The following BEST2 variants were observed in gnomAD, a reference collection of about 807,000 sequenced individuals.
BEST2 encodes bestrophin 2, also known as bestrophin-2a.
In BEST2, 36 loss-of-function variants were observed where a neutral mutation model predicts 49.0. The ratio of observed to expected loss-of-function variants is 0.73; its 90% CI spans 0.56 to 0.97. The LOEUF (loss-of-function observed/expected upper bound fraction) is 0.97. BEST2 is among the 50% of genes least tolerant of loss of function. The pLI is 0.00. For missense variants in BEST2, 672 were observed against 710.0 expected (o/e 0.95, Z 0.61); for synonymous variants, 335 against 304.4 (o/e 1.10, Z -1.05).
rs1218472466 is a variant in BEST2, at chr19:12,757,817, G to T, written c.1270G>T (p.Val424Leu). Reference sequence around the variant, plus strand: ...CTTTCTACTCCGCAAGAACAGCTGCGTGTCGGAGGCGTCTACTGGGGCCAG... The same window carrying T: ...CTTTCTACTCCGCAAGAACAGCTGCTTGTCGGAGGCGTCTACTGGGGCCAG... Reference protein sequence around the residue: ...LSFLLRKNSCVSEASTGASCS... With the variant: ...LSFLLRKNSCLSEASTGASCS... The change falls in exon 10 of 10, where the codon GTG becomes TTG. Residue 424 changes from valine to leucine, a missense_variant. Physicochemically the swap from Val to Leu is conservative, Grantham distance 32. Around this residue, in one of 3 missense-constraint regions of BEST2, gnomAD observed 291 missense variants for 279.8 expected, o/e 1.04. Transcript: ENST00000553030. The T allele has an allele frequency of 1.3e-6, 2 of 1,548,886 alleles. No individual in the cohort carries two copies. Among genetic ancestry groups the T allele is most frequent in the African/African-American group, 1.4e-5 (1 of 73,012 alleles).
In BEST2 at chr19:12,754,615, A is replaced by G. The variant is rs777534813; in HGVS notation, c.311A>G (p.Asp104Gly). 6.4e-7 allele frequency: 1 copy of G among 1,564,472 alleles called. No homozygotes were observed. Among genetic ancestry groups the G allele is most frequent in the Admixed American group, 1.8e-5 (1 of 54,192 alleles). ...CAGTACCTATGCATGCCGCTGCCCG[A>G]CGCGCTCATGTGCGTGGTGGCGGGC... ...WSQYLCMPLP[D>G]ALMCVVAGTV... The change falls in exon 4 of 10, where the codon GAC becomes GGC. Residue 104 changes from aspartate (D) to glycine (G), a missense_variant. Physicochemically the swap from Asp to Gly is moderately conservative, Grantham distance 94. Around this residue, in one of 3 missense-constraint regions of BEST2, gnomAD observed 365 missense variants for 390.9 expected, o/e 0.93. Coordinates refer to ENST00000553030, the MANE Select transcript of BEST2 (RefSeq NM_017682.3).
chr19:12,755,232 T>A lies in BEST2; in HGVS notation c.637-147T>A. The A allele has an allele frequency of 1.9e-6, 2 of 1,039,176 alleles. No individual in the cohort carries two copies. The highest frequency in any genetic ancestry group is 2.9e-6 in the Non-Finnish European group (2 of 701,482). 64.4% of individuals were successfully genotyped at this position (1,039,176 alleles called of 1,614,324 possible). A position where few individuals can be genotyped will look rare whatever the true frequency, so the allele number is the denominator to read the frequency against. On this transcript the variant is annotated intron_variant, in intron 5 of 9. Coordinates refer to ENST00000553030, the MANE Select transcript of BEST2 (RefSeq NM_017682.3). The surrounding 1 kb of genome is among the most constrained non-coding windows in gnomAD (Gnocchi z 4.4). ...CATGGTACCTCATCCAGGTGCACAC[T>A]CACCACCAAATACCCTCCCTGGAAC...
At chr19:12,752,845 A>ACT in intron 2 of BEST2, 101 bp downstream of exon 2, 1 of 891,364 alleles carries the variant, frequency 1.1e-6, no homozygotes, top group African/African-American at 1.8e-5. Flanking sequence ...ATATAAGTAT[A>ACT]TATATCTATG....
In BEST2 at chr19:12,754,696, A is replaced by G. The variant is rs1226130360; in HGVS notation, c.392A>G (p.Tyr131Cys). 1 of 1,585,642 alleles carries G rather than the reference A, an allele frequency of 6.3e-7. No individual in the cohort carries two copies. The highest frequency in any genetic ancestry group is 1.1e-5 in the South Asian group (1 of 87,208). ...CTCTACCGGCGCACACTCATGCGCT[A>G]CGCAGGGCTCTCGGCCGTGCTCATC... is the stretch of plus-strand genomic sequence containing the variant. The part of the protein sequence containing the change: ...GRLYRRTLMR[Y>C]AGLSAVLILR... Residue 131 changes from tyrosine (Y) to cysteine (C), a missense_variant, in exon 4 of 10, where the codon TAC becomes TGC. This residue lies in a region of BEST2 where 365 missense variants were observed against 390.9 expected (regional missense o/e 0.93). Transcript: ENST00000553030.
In BEST2 at chr19:12,755,643, T is replaced by A; in HGVS notation, c.743T>A (p.Phe248Tyr). Residue 248 changes from phenylalanine (F) to tyrosine (Y), a missense_variant, in exon 7 of 10, where the codon TTC becomes TAC. Phe to Tyr is a conservative substitution (Grantham distance 22). Transcript: ENST00000553030. This position sits in a 1 kb window ranked among gnomAD's most constrained non-coding sequence, Gnocchi z 4.4. ...GTGACCATCGCACTGTACAGCTACTTCCTGGCTTGCCTCATTGGTCGCCAG... is the reference window on the plus strand; with the variant it reads ...GTGACCATCGCACTGTACAGCTACTACCTGGCTTGCCTCATTGGTCGCCAG... Reference protein sequence around the residue: ...QVVTIALYSYFLACLIGRQFL... With the variant: ...QVVTIALYSYYLACLIGRQFL... 1 of 1,614,028 alleles carries A rather than the reference T, an allele frequency of 6.2e-7. No homozygotes were observed. The highest frequency in any genetic ancestry group is 8.5e-7 in the Non-Finnish European group (1 of 1,180,014).
rs200942152 is a variant in BEST2, at chr19:12,756,305, T to C, written c.1103+10T>C. 9.9e-6 allele frequency: 16 copies of C among 1,612,084 alleles called. No individual in the cohort carries two copies. The highest frequency in any genetic ancestry group is 2.2e-5 in the South Asian group (2 of 91,084). On this transcript the variant is annotated intron_variant, in intron 9 of 9. Coordinates refer to ENST00000553030, the MANE Select transcript of BEST2 (RefSeq NM_017682.3). ...CCACCTTTGACATCACGTGAGCCAG[T>C]TGGGTGGGCAGGGCCGCCTGGGGCA...
In BEST2 at chr19:12,757,932, C is replaced by T; in HGVS notation, c.1385C>T (p.Ala462Val). The T allele has an allele frequency of 1.3e-6, 2 of 1,575,396 alleles. No homozygotes were observed. The highest frequency in any genetic ancestry group is 1.2e-5 in the South Asian group (1 of 86,626). Residue 462 changes from alanine (A) to valine (V), a missense_variant, in exon 10 of 10, where the codon GCC becomes GTC. Coordinates refer to ENST00000553030, the MANE Select transcript of BEST2 (RefSeq NM_017682.3). ...GACCCCGGCCTGCCGGAGCCCGAGG[C>T]CCCGCCCCCTGCGGGTCCCGAACCG... ...LLDPGLPEPE[A>V]PPPAGPEPLT...
At position 12,758,273 on chromosome 19, in the gene BEST2, AC is replaced by A; in HGVS notation, c.*198del. ...CAGACTCTTGGACCAGCCCGCCCTG[AC>A]CACCAGCTCTACTTCCCAACCCCCA... On this transcript the variant is annotated 3_prime_UTR_variant, in exon 10 of 10. Transcript: ENST00000553030. The A allele has an allele frequency of 3.1e-6, 2 of 638,004 alleles. No individual in the cohort carries two copies. Among genetic ancestry groups the A allele is most frequent in the Non-Finnish European group, 5.2e-6 (2 of 382,642 alleles). The allele number at this position is 638,004 out of a possible 1,614,324, so 39.5% of individuals were successfully genotyped here.
At position 12,757,652 on chromosome 19, in the gene BEST2, C is replaced by A; in HGVS notation, c.1105C>A (p.Leu369Met). The part of the protein sequence containing the change: ...SFQGSTFDIT[L>M]AKEDMQFQRL... ...GCTGGCCCACTGTCGGTCCCGCAGGCTGGCCAAAGAAGACATGCAGTTCCA... is the reference window on the plus strand; with the variant it reads ...GCTGGCCCACTGTCGGTCCCGCAGGATGGCCAAAGAAGACATGCAGTTCCA... The change falls in exon 10 of 10, where the codon CTG becomes ATG. Residue 369 changes from leucine to methionine, a missense_variant and splice_region_variant. Physicochemically the swap from Leu to Met is conservative, Grantham distance 15. This residue lies in a region of BEST2 where 291 missense variants were observed against 279.8 expected (regional missense o/e 1.04). Transcript: ENST00000553030. 3.9e-6 allele frequency: 6 copies of A among 1,535,854 alleles called. No individual in the cohort carries two copies. Among genetic ancestry groups the A allele is most frequent in the Non-Finnish European group, 5.2e-6 (6 of 1,146,712 alleles).
rs1568352114 is a variant in BEST2 at position 12,753,283 on chromosome 19, A to G, written c.176A>G (p.Lys59Arg). ...AYRFVLTEGQ[K>R]RYFEKLVIYC... ...AGCTTTGTGCTGACCGAAGGGCAGA[A>G]GCGCTACTTCGAGAAGCTTGTGATT... is the stretch of plus-strand genomic sequence containing the variant. The change falls in exon 3 of 10, where the codon AAG (lysine) becomes AGG (arginine). Residue 59 changes from lysine (K) to arginine (R), a missense_variant. This residue lies in a region of BEST2 where 365 missense variants were observed against 390.9 expected (regional missense o/e 0.93). Transcript: ENST00000553030. 1.2e-6 allele frequency: 2 copies of G among 1,614,088 alleles called. No homozygotes were observed. The highest frequency in any genetic ancestry group is 1.7e-5 in the Admixed American group (1 of 60,002).
At position 12,757,924 on chromosome 19, in the gene BEST2, G is replaced by A; in HGVS notation, c.1377G>A (p.Glu459=). The A allele has an allele frequency of 6.4e-7, 1 of 1,566,816 alleles. No homozygotes were observed. The highest frequency in any genetic ancestry group is 1.3e-5 in the African/African-American group (1 of 74,336). ...CGCTGCTCGACCCCGGCCTGCCGGAGCCCGAGGCCCCGCCCCCTGCGGGTC... is the reference window on the plus strand; with the variant it reads ...CGCTGCTCGACCCCGGCCTGCCGGAACCCGAGGCCCCGCCCCCTGCGGGTC... ...GDPLLDPGLP[E]PEAPPPAGPE... is the part of the protein sequence containing the mutation. Residue 459 remains glutamate (E), a synonymous_variant, in exon 10 of 10, where the codon GAG becomes GAA. Transcript: ENST00000553030.
chr19:12,755,995 G>T lies in BEST2; in HGVS notation c.948+60G>T. 1.3e-6 allele frequency: 2 copies of T among 1,595,208 alleles called. 1 individual carries two copies. Among genetic ancestry groups the T allele is most frequent in the South Asian group, 2.2e-5 (2 of 90,394 alleles). ...GCGACCATCCCGGAGTGCCCAACAG[G>T]GTTCTGGTCCCACCCCTGCCAAGTC... On this transcript the variant is annotated intron_variant, in intron 8 of 9. Transcript: ENST00000553030. This position sits in a 1 kb window ranked among gnomAD's most constrained non-coding sequence, Gnocchi z 4.4.
At chr19:12,751,960 A>T (rs1257743214) in intron 1 of BEST2, 121 bp downstream of exon 1, 2 of 152,638 alleles carry the variant, frequency 1.3e-5, no homozygotes, top group African/African-American at 4.8e-5. Context: ...CTGGAGGGGA[A>T]CGGAGAGAGG....
chr19:12,752,665 C>A lies in BEST2; in HGVS notation c.73C>A (p.Arg25Ser). 2 of 1,612,794 alleles carry A rather than the reference C, an allele frequency of 1.2e-6. No individual in the cohort carries two copies. Among genetic ancestry groups the A allele is most frequent in the East Asian group, 2.2e-5 (1 of 44,876 alleles). Reference protein sequence around the residue: ...GGFSQLLLLWRGSIYKLLWRE... With the variant: ...GGFSQLLLLWSGSIYKLLWRE... ...CTTCTCCCAGCTGCTGCTACTGTGGCGTGGGAGCATCTACAAACTCCTGTG... is the reference window on the plus strand; with the variant it reads ...CTTCTCCCAGCTGCTGCTACTGTGGAGTGGGAGCATCTACAAACTCCTGTG... Residue 25 changes from arginine (R) to serine (S), a missense_variant, in exon 2 of 10, where the codon CGT becomes AGT. This residue lies in a region of BEST2 where 365 missense variants were observed against 390.9 expected (regional missense o/e 0.93). Coordinates refer to ENST00000553030, the MANE Select transcript of BEST2 (RefSeq NM_017682.3).
Position 12,755,414 on chromosome 19 carries a change from C to T in BEST2, c.672C>T (p.Leu224=), listed in dbSNP as rs112425354. The change falls in exon 6 of 10, where the codon CTC becomes CTT. Residue 224 remains leucine, a synonymous_variant. Transcript: ENST00000553030. The surrounding 1 kb of genome is among the most constrained non-coding windows in gnomAD (Gnocchi z 4.4). ...LNVFRGKCGM[L]FHYDWISVPL... is the part of the protein sequence containing the mutation. ...TTTTTCGGGGCAAATGTGGAATGCT[C>T]TTTCACTATGACTGGATTAGCGTAC... 11,847 of 1,614,158 alleles carry T rather than the reference C, an allele frequency of 7.3e-3. 61 individuals carry two copies. Among genetic ancestry groups the T allele is most frequent in the Middle Eastern group, 9.1e-3 (55 of 6,062 alleles).
rs372450964 is a variant in BEST2, at chr19:12,756,253, A to G, written c.1061A>G (p.Gln354Arg). ...RAPYTAATVF[Q>R]LRQPSFQGST... is the part of the protein sequence containing the mutation. ...CCATACACAGCGGCTACTGTCTTCCAGCTGCGGCAGCCTTCCTTCCAGGGC... is the reference window on the plus strand; with the variant it reads ...CCATACACAGCGGCTACTGTCTTCCGGCTGCGGCAGCCTTCCTTCCAGGGC... The change falls in exon 9 of 10, where the codon CAG becomes CGG. Residue 354 changes from glutamine to arginine, a missense_variant. Coordinates refer to ENST00000553030, the MANE Select transcript of BEST2 (RefSeq NM_017682.3). 4.3e-6 allele frequency: 7 copies of G among 1,613,978 alleles called. No individual in the cohort carries two copies. The highest frequency in any genetic ancestry group is 1.3e-5 in the African/African-American group (1 of 75,072).
chr19:12,756,278 C>G lies in BEST2; in HGVS notation c.1086C>G (p.Gly362=). The change falls in exon 9 of 10, where the codon GGC becomes GGG. Residue 362 remains glycine, a synonymous_variant. Coordinates refer to ENST00000553030, the MANE Select transcript of BEST2 (RefSeq NM_017682.3). Reference sequence around the variant, plus strand: ...AGCTGCGGCAGCCTTCCTTCCAGGGCTCCACCTTTGACATCACGTGAGCCA... The same window carrying G: ...AGCTGCGGCAGCCTTCCTTCCAGGGGTCCACCTTTGACATCACGTGAGCCA... The part of the protein sequence containing the change: ...VFQLRQPSFQ[G]STFDITLAKE... 1 of 1,613,384 alleles carries G rather than the reference C, an allele frequency of 6.2e-7. No homozygotes were observed. Among genetic ancestry groups the G allele is most frequent in the Non-Finnish European group, 8.5e-7 (1 of 1,180,032 alleles).
chr19:12,757,579 T>C, intron 9 of BEST2, 72 bp from the exon 10 acceptor site: 2 of 1,469,018 alleles, frequency 1.4e-6, no homozygotes, highest in Non-Finnish European at 1.8e-6. Flanking sequence ...GTCAGGGAAA[T>C]CAGCGCGCCT....
chr19:12,755,858 G>T lies in BEST2; in HGVS notation c.871G>T (p.Ala291Ser). The T allele has an allele frequency of 6.2e-7, 1 of 1,614,208 alleles. No individual in the cohort carries two copies. Among genetic ancestry groups the T allele is most frequent in the Non-Finnish European group, 8.5e-7 (1 of 1,180,030 alleles). ...TAACTGCTCCCTCTCCTCTCAGGTA[G>T]CTGAGCAGCTCATCAACCCCTTCGG... ...FFFYAGWLKVAEQLINPFGED... is the reference protein window; with the variant it reads ...FFFYAGWLKVSEQLINPFGED... The change falls in exon 8 of 10, where the codon GCT becomes TCT. Residue 291 changes from alanine to serine, a missense_variant. By Grantham distance (99) the Ala-to-Ser change is moderately conservative. This residue lies in a region of BEST2 where 16 missense variants were observed against 39.3 expected (regional missense o/e 0.41). Coordinates refer to ENST00000553030, the MANE Select transcript of BEST2 (RefSeq NM_017682.3). This position sits in a 1 kb window ranked among gnomAD's most constrained non-coding sequence, Gnocchi z 4.4.
Sources: allele counts gnomAD v4.1 joint callset, GRCh38; gene constraint gnomAD v4.1.1; regional missense constraint gnomAD v4.1.1; non-coding constraint Gnocchi (gnomAD v3.1); transcripts MANE v1.5; gene names NCBI Gene and HGNC (gene_info 2026-07-23, HGNC 2026-07-21).